The following C2CD3 variants were observed in gnomAD, a reference collection of about 807,000 sequenced individuals.
C2CD3 encodes C2 domain containing 3 centriole elongation regulator.
C2CD3 carries 148 observed loss-of-function variants against 234.0 expected under a neutral mutation model. The ratio of observed to expected loss-of-function variants is 0.63; its 90% CI spans 0.55 to 0.72. C2CD3 has a LOEUF of 0.72. Ranked by LOEUF, C2CD3 falls within the 30% of genes least tolerant of loss-of-function variation. The pLI is 0.00. For missense variants in C2CD3, 2,577 were observed against 2,811.5 expected (o/e 0.92, Z 1.89); for synonymous variants, 1,000 against 1,035.4 (o/e 0.97, Z 0.66).
At chr11:74,134,877 A>G (rs993286655) in intron 5 of C2CD3, among the ~76,000 whole-genome samples, 1 of 152,092 alleles carries the variant, frequency 6.6e-6, no homozygotes, top group South Asian at 2.1e-4. Flanking sequence ...GGTGCATACC[A>G]CCATGCCTGG....
intron 25 of C2CD3, 85 bp downstream of exon 25, chr11:74,057,321 T>C: frequency 7.1e-7 from 1 of 1,400,042 alleles, no homozygotes; most frequent in South Asian, 1.2e-5. Context: ...TCAAAAATTG[T>C]GTTGGTTATA....
In C2CD3 at chr11:74,041,879, A is replaced by G. The variant is rs2272321; in HGVS notation, c.5660+175T>C. On this transcript the variant is annotated intron_variant, in intron 29 of 32. Coordinates refer to ENST00000334126, the MANE Select transcript of C2CD3 (RefSeq NM_001286577.2). Reference sequence around the variant, plus strand: ...GTCCCAAGCTGATACAGATTCATCTATGAGGAATCCCATGAGGCTCCAGGG... The same window carrying G: ...GTCCCAAGCTGATACAGATTCATCTGTGAGGAATCCCATGAGGCTCCAGGG... 0.022 allele frequency among the ~76,000 whole-genome samples: 3,345 copies of G among 152,332 alleles called. 70 individuals carry two copies. Among genetic ancestry groups the G allele is most frequent in the African/African-American group, 0.047 (1,970 of 41,562 alleles).
intron 2 of C2CD3, among the ~76,000 whole-genome samples, chr11:74,166,384 T>C (rs144233586): frequency 1.3e-5 from 2 of 152,166 alleles, no homozygotes; most frequent in East Asian, 3.9e-4. Flanking sequence ...TCACCTCATG[T>C]GTCTCCTATT....
intron 11 of C2CD3, among the ~76,000 whole-genome samples, chr11:74,110,098 TAAATA>T (rs922505572): frequency 6.0e-5 from 9 of 150,944 alleles, no homozygotes; most frequent in Admixed American, 3.9e-4. Flanking sequence ...AATAAATAAA[TAAATA>T]AAATAAAATA....
In C2CD3 at chr11:74,033,908, A is replaced by G; in HGVS notation, c.6252T>C (p.Thr2084=). The change falls in exon 31 of 33, where the codon ACT becomes ACC. Residue 2084 remains threonine (T), a synonymous_variant. Transcript: ENST00000334126. The part of the protein sequence containing the change: ...LNEITTVTDK[T]SPWSSVISDT... ...CTGATATGACACTAGACCAAGGGCT[A>G]GTTTTGTCTGTCACCGTGGTGATCT... The G allele has an allele frequency of 6.5e-7, 1 of 1,536,230 alleles. No individual in the cohort carries two copies. The highest frequency in any genetic ancestry group is 2.4e-5 in the East Asian group (1 of 40,914).
chr11:74,162,885 C>T (rs1856565018), intron 2 of C2CD3, among the ~76,000 whole-genome samples: 2 of 152,186 alleles, frequency 1.3e-5, no homozygotes, highest in Admixed American at 1.3e-4. Flanking sequence ...GTCCCTGCCT[C>T]CCAGGAGTAT....
chr11:74,034,338 CCA>C (rs2135413419), intron 30 of C2CD3, 60 bp from the exon 31 acceptor site: 2 of 1,485,400 alleles, frequency 1.3e-6, no homozygotes, highest in East Asian at 4.9e-5. Context: ...CTCAAATTTC[CCA>C]CACTAGCCTT....
At position 74,049,321 on chromosome 11, in the gene C2CD3, G is replaced by C. The variant is rs537746854; in HGVS notation, c.5361+16C>G. ...TACAATTCGTATTGGTTAGGGATGTGAATCTCCATACATACCAGTGATTTT... is the reference window on the plus strand; with the variant it reads ...TACAATTCGTATTGGTTAGGGATGTCAATCTCCATACATACCAGTGATTTT... On this transcript the variant is annotated intron_variant, in intron 27 of 32. Transcript: ENST00000334126. 1 of 1,603,158 alleles carries C rather than the reference G, an allele frequency of 6.2e-7. No homozygotes were observed. Among genetic ancestry groups the C allele is most frequent in the East Asian group, 2.2e-5 (1 of 44,848 alleles).
intron 7 of C2CD3, among the ~76,000 whole-genome samples, chr11:74,124,671 C>T (rs1190607818): frequency 1.3e-5 from 2 of 152,240 alleles, no homozygotes; most frequent in African/African-American, 4.8e-5. Context: ...TCCCAGTCGA[C>T]ATGGCCTCTC....
intron 9 of C2CD3, among the ~76,000 whole-genome samples, chr11:74,117,372 A>ATATATATATATATG (rs1957059352): frequency 2.9e-5 from 2 of 68,150 alleles, no homozygotes; most frequent in Non-Finnish European, 5.1e-5. Context: ...ATATATATAT[A>ATATATATATATATG]TATATATATA....
At chr11:74,119,055 A>T (rs1430269702) in intron 8 of C2CD3, among the ~76,000 whole-genome samples, 1 of 151,924 alleles carries the variant, frequency 6.6e-6, no homozygotes, top group East Asian at 1.9e-4. Flanking sequence ...GACTACAGAC[A>T]TGAGCCACCA....
In C2CD3 at chr11:74,074,618, A is replaced by G; in HGVS notation, c.4604-18T>C. ...ATACACACCTAAAAGAAGATGGAGA[A>G]GAATAAGGCTAGTCAAGCAGGAACC... On this transcript the variant is annotated intron_variant, in intron 23 of 32. Transcript: ENST00000334126. The G allele has an allele frequency of 6.3e-7, 1 of 1,584,976 alleles. No individual in the cohort carries two copies. The highest frequency in any genetic ancestry group is 8.6e-7 in the Non-Finnish European group (1 of 1,162,126).
chr11:74,049,612 A>G (rs1953576197), intron 26 of C2CD3, 70 bp from the exon 27 acceptor site: 1 of 1,205,870 alleles, frequency 8.3e-7, no homozygotes, highest in Non-Finnish European at 1.2e-6. Context: ...GAGGGTGCAC[A>G]CAGAGAAGCT....
intron 28 of C2CD3, among the ~76,000 whole-genome samples, chr11:74,043,153 A>C (rs1953157084): frequency 6.6e-6 from 1 of 152,190 alleles, no homozygotes; most frequent in Non-Finnish European, 1.5e-5. Context: ...ACCATTCTAC[A>C]TTTCCTGGTC....
chr11:74,121,114 C>A (rs1957197614), intron 8 of C2CD3, among the ~76,000 whole-genome samples: 1 of 152,112 alleles, frequency 6.6e-6, no homozygotes, highest in South Asian at 2.1e-4. Flanking sequence ...AGAGGTCAGT[C>A]AGGGTCAGAT....
At chr11:74,096,598 G>A (rs1419274187) in intron 16 of C2CD3, among the ~76,000 whole-genome samples, 1 of 152,134 alleles carries the variant, frequency 6.6e-6, no homozygotes, top group Non-Finnish European at 1.5e-5. Context: ...ATGAGTAGAG[G>A]AGGAAAAACA....
chr11:74,085,922 T>C (rs377258134), intron 20 of C2CD3, 36 bp from the exon 21 acceptor site: 2 of 1,566,842 alleles, frequency 1.3e-6, no homozygotes, highest in Non-Finnish European at 1.7e-6. Flanking sequence ...GAAGATACCA[T>C]GGTAACATTA....
chr11:74,075,900 T>C (rs1316876724), intron 23 of C2CD3, among the ~76,000 whole-genome samples: 1 of 152,132 alleles, frequency 6.6e-6, no homozygotes, highest in Non-Finnish European at 1.5e-5. Context: ...TATAAGACCC[T>C]TGCACAAGAG....
chr11:74,026,231 C>G lies in C2CD3; in HGVS notation c.6921+2056G>C, dbSNP rs537221879. Among the ~76,000 whole-genome samples, 3 of 152,058 alleles carry G rather than the reference C, an allele frequency of 2.0e-5. No individual in the cohort carries two copies. The East Asian group carries it at 5.8e-4, about 29-fold the overall frequency. On this transcript the variant is annotated intron_variant, in intron 32 of 32. Coordinates refer to ENST00000334126, the MANE Select transcript of C2CD3 (RefSeq NM_001286577.2). ...GCTGAGGCAGAGGATCACTTGAACCCAGGAGTTTGCGGGTGCAGGGAGCTG... is the reference window on the plus strand; with the variant it reads ...GCTGAGGCAGAGGATCACTTGAACCGAGGAGTTTGCGGGTGCAGGGAGCTG...
Sources: gnomAD v4.1 joint callset for allele counts (sites outside exome capture counted in the v4.1 genomes callset) on GRCh38, gnomAD v4.1.1 for gene constraint, MANE v1.5 for transcripts, NCBI Gene and HGNC (gene_info 2026-07-23, HGNC 2026-07-21) for gene names.